The following MYO5C variants were observed in gnomAD, a reference collection of about 807,000 sequenced individuals.
The protein encoded by MYO5C is unconventional myosin-Vc.
In MYO5C, 194 loss-of-function variants were observed where a neutral mutation model predicts 235.7. That is an observed-to-expected ratio of 0.82 (90% CI 0.73 to 0.93). The LOEUF (loss-of-function observed/expected upper bound fraction) is 0.93, where lower values mean the gene tolerates loss of function less well. Ranked by LOEUF, MYO5C falls within the 40% of genes least tolerant of loss-of-function variation. The pLI is 0.00. For synonymous variants in MYO5C, 707 were observed against 754.8 expected, an observed-to-expected ratio of 0.94 and a Z score of 1.04; for missense variants, 2,038 against 2,127.2, an observed-to-expected ratio of 0.96 and a Z score of 0.82.
chr15:52,288,434 G>A (rs868623969), intron 1 of MYO5C, among the ~76,000 whole-genome samples: 17 of 152,248 alleles, frequency 1.1e-4, no homozygotes, highest in South Asian at 1.0e-3. Flanking sequence ...GAAGACCAGT[G>A]ACTCCTCAGC....
chr15:52,261,538 G>C (rs1165442586), intron 9 of MYO5C, among the ~76,000 whole-genome samples: 1 of 152,150 alleles, frequency 6.6e-6, no homozygotes, highest in Non-Finnish European at 1.5e-5. Flanking sequence ...CACTCACCCT[G>C]CCCCACCTCG....
At chr15:52,197,731 G>A (rs7162283) in intron 38 of MYO5C, among the ~76,000 whole-genome samples, 91,666 of 151,906 alleles carry the variant, frequency 0.6, 30,230 homozygotes, top group Non-Finnish European at 0.75. Flanking sequence ...CACCTCTCAG[G>A]TTCAAGCGAT....
intron 40 of MYO5C, among the ~76,000 whole-genome samples, 177 bp downstream of exon 40, chr15:52,195,200 G>A (rs959686150): frequency 1.3e-5 from 2 of 152,094 alleles, no homozygotes; most frequent in African/African-American, 4.8e-5. Context: ...CTGGACTAAG[G>A]TGGATTCTGA....
chr15:52,256,589 G>GCGCA (rs2036588638), intron 11 of MYO5C, 50 bp downstream of exon 11: 1 of 418,124 alleles, frequency 2.4e-6, no homozygotes, highest in Non-Finnish European at 3.9e-6. Context: ...ACACACACAC[G>GCGCA]CGCGCGCGCG....
At chr15:52,245,327 A>G (rs907504629) in intron 18 of MYO5C, 27 bp downstream of exon 18, 2 of 1,444,290 alleles carry the variant, frequency 1.4e-6, no homozygotes, top group East Asian at 4.5e-5. Flanking sequence ...GAAGGAGACC[A>G]TGATCCCAGG....
At chr15:52,270,549 C>T (rs1485380798) in intron 7 of MYO5C, among the ~76,000 whole-genome samples, 1 of 151,686 alleles carries the variant, frequency 6.6e-6, no homozygotes, top group Non-Finnish European at 1.5e-5. Context: ...AAACCATTAG[C>T]ACAATCCGGA....
chr15:52,289,743 C>T (rs570572455), intron 1 of MYO5C, among the ~76,000 whole-genome samples: 9 of 152,244 alleles, frequency 5.9e-5, no homozygotes, highest in African/African-American at 2.2e-4. Context: ...GGGTGGGGCC[C>T]GGCAAGAGAA....
Position 52,205,060 on chromosome 15 carries a change from TC to T in MYO5C, c.4624del (p.Asp1542ThrfsTer7), listed in dbSNP as rs1408103984. The T allele has an allele frequency of 8.1e-6, 13 of 1,614,076 alleles. No individual in the cohort carries two copies. The highest frequency in any genetic ancestry group is 1.1e-5 in the Non-Finnish European group (13 of 1,180,030). On this transcript the variant is annotated frameshift_variant, in exon 38 of 41. Coordinates refer to ENST00000261839, the MANE Select transcript of MYO5C (RefSeq NM_018728.4). LOFTEE classifies it high-confidence loss of function. ...GFRKRSSSID[D>X]TDGYTMTSVL... ...GGAGGTCATGGTGTAGCCGTCCGTG[TC>T]GTCTATGCTAGAGGAGCGCTTCCGG...
intron 25 of MYO5C, among the ~76,000 whole-genome samples, chr15:52,228,882 C>T (rs1421082020): frequency 2.0e-5 from 3 of 152,068 alleles, no homozygotes; most frequent in South Asian, 2.1e-4. Flanking sequence ...TTCTCTACAT[C>T]GACATATTTA....
rs76653835 is a variant in MYO5C at position 52,213,768 on chromosome 15, G to C, written c.4043-482C>G. On this transcript the variant is annotated intron_variant, in intron 33 of 40. Coordinates refer to ENST00000261839, the MANE Select transcript of MYO5C (RefSeq NM_018728.4). ...TTTAATCATACAGCTCTGGAGGTCA[G>C]AAGTCTGAAAGGTGAGCCAGGGTGG... Among the ~76,000 whole-genome samples the C allele has an allele frequency of 1.9e-3, 283 of 152,348 alleles. 2 individuals carry two copies. The highest frequency in any genetic ancestry group is 6.7e-3 in the African/African-American group (278 of 41,582).
intron 3 of MYO5C, 78 bp downstream of exon 3, chr15:52,279,431 A>G: frequency 2.0e-6 from 3 of 1,493,634 alleles, no homozygotes; most frequent in Non-Finnish European, 2.7e-6. Flanking sequence ...CAGTATAAAC[A>G]TAAAACAACC....
In MYO5C at chr15:52,269,779, T is replaced by C; in HGVS notation, c.914A>G (p.Glu305Gly). The C allele has an allele frequency of 1.2e-6, 2 of 1,613,158 alleles. No individual in the cohort carries two copies. The highest frequency in any genetic ancestry group is 1.7e-4 in the Middle Eastern group (1 of 6,060). The stretch of plus-strand genomic sequence containing the variant: ...CAGAAGCGTGAAGGTCTTTTGAGTC[T>C]CTACCATTTCAGCTCGATCATTCAC... ...EGVNDRAEMV[E>G]TQKTFTLLGF... Residue 305 changes from glutamate to glycine, a missense_variant, in exon 8 of 41, where the codon GAG (glutamate) becomes GGG (glycine). Glu to Gly is a moderately conservative substitution (Grantham distance 98). Coordinates refer to ENST00000261839, the MANE Select transcript of MYO5C (RefSeq NM_018728.4).
chr15:52,253,457 G>A lies in MYO5C; in HGVS notation c.1396C>T (p.His466Tyr). ...NEKLQQQFNM[H>Y]VFKLEQEEYM... ...TCTTCTTGTTCCAGTTTGAAGACAT[G>A]CTGGGAATCCAAAGTTAATACAGAA... The change falls in exon 12 of 41, where the codon CAT becomes TAT. Residue 466 changes from histidine to tyrosine, a missense_variant and splice_region_variant. Transcript: ENST00000261839. 6.2e-7 allele frequency: 1 copy of A among 1,611,282 alleles called. No homozygotes were observed. The highest frequency in any genetic ancestry group is 2.2e-5 in the East Asian group (1 of 44,858).
chr15:52,245,925 T>C (rs2036331351), intron 17 of MYO5C, 31 bp downstream of exon 17: 1 of 1,597,324 alleles, frequency 6.3e-7, no homozygotes. Flanking sequence ...GTCAGGTACT[T>C]TTCCCTCCAA....
chr15:52,215,420 A>AT (rs2035530295), intron 32 of MYO5C, among the ~76,000 whole-genome samples: 1 of 152,208 alleles, frequency 6.6e-6, no homozygotes, highest in African/African-American at 2.4e-5. Context: ...CATTTGACAC[A>AT]TATAGAATTC....
intron 18 of MYO5C, 105 bp downstream of exon 18, chr15:52,245,249 G>T (rs2036312069): frequency 1.2e-6 from 1 of 829,456 alleles, no homozygotes; most frequent in South Asian, 1.4e-5. Flanking sequence ...CCTTTCAGGT[G>T]TTCATGATTA....
intron 14 of MYO5C, among the ~76,000 whole-genome samples, chr15:52,248,468 T>C (rs939995259): frequency 6.6e-5 from 10 of 152,196 alleles, no homozygotes; most frequent in African/African-American, 2.4e-4. Flanking sequence ...CTTCAATGGT[T>C]CTATTAGCTG....
At chr15:52,285,731 G>C (rs1194770192) in intron 1 of MYO5C, among the ~76,000 whole-genome samples, 1 of 152,232 alleles carries the variant, frequency 6.6e-6, no homozygotes, top group Non-Finnish European at 1.5e-5. Context: ...TCGGCTTCCC[G>C]AGTTGCTGGG....
At position 52,284,751 on chromosome 15, in the gene MYO5C, C is replaced by T. The variant is rs369836446; in HGVS notation, c.28-1859G>A. Among the ~76,000 whole-genome samples, 10 of 152,060 alleles carry T rather than the reference C, an allele frequency of 6.6e-5. No individual in the cohort carries two copies. In the South Asian group the frequency reaches 1.9e-3, roughly 28 times the overall value. ...ATAGAAGGACAGAAAGATGGATAGA[C>T]ATGGGATACAATGAATATGGTAGAA... On this transcript the variant is annotated intron_variant, in intron 1 of 40. Coordinates refer to ENST00000261839, the MANE Select transcript of MYO5C (RefSeq NM_018728.4).
Sources: allele counts gnomAD v4.1 joint callset (sites outside exome capture counted in the v4.1 genomes callset), GRCh38; gene constraint gnomAD v4.1.1; transcripts MANE v1.5; gene names NCBI Gene and HGNC (gene_info 2026-07-23, HGNC 2026-07-21).